Variants in VEGFA observed in about 807,000 individuals in gnomAD.
VEGFA encodes the protein vascular endothelial growth factor A, also known as vascular endothelial growth factor A, long form.
Under a neutral mutation model 49.7 loss-of-function variants are expected in VEGFA, and 20 were observed. That is an observed-to-expected ratio of 0.40 (90% CI 0.28 to 0.58). VEGFA has a LOEUF of 0.58. VEGFA is among the 20% of genes least tolerant of loss of function. The pLI is 0.40. For synonymous variants in VEGFA, 219 were observed against 223.4 expected (o/e 0.98, Z 0.18); for missense variants, 505 against 553.5 (o/e 0.91, Z 0.88).
At chr6:43,772,618 C>T (rs1763992877) in intron 1 of VEGFA, among the ~76,000 whole-genome samples, 2 of 152,214 alleles carry the variant, frequency 1.3e-5, no homozygotes. Flanking sequence ...TGGTGAAAGG[C>T]AGCCCTGGAG....
chr6:43,774,415 T>C, intron 2 of VEGFA, 23 bp downstream of exon 2: 1 of 1,613,814 alleles, frequency 6.2e-7, no homozygotes, highest in Non-Finnish European at 8.5e-7. Flanking sequence ...GGCTGTTGGA[T>C]GGGGTTCCCT....
intron 5 of VEGFA, chr6:43,779,660 C>G (rs150778870): frequency 2.1e-6 from 1 of 465,312 alleles, no homozygotes; most frequent in East Asian, 6.7e-5. Flanking sequence ...TTGAAGCCCC[C>G]ACCAGGCCTC....
rs1766310198 is a variant in VEGFA at position 43,778,753 on chromosome 6, T to G, written c.933-136T>G. Reference sequence around the variant, plus strand: ...TTATAATGATTAAACAAGTTATATATGAAAAGATTAAAACAGTGTTGCTCC... The same window carrying G: ...TTATAATGATTAAACAAGTTATATAGGAAAAGATTAAAACAGTGTTGCTCC... On this transcript the variant is annotated intron_variant, in intron 4 of 7. Transcript: ENST00000672860. 8 of 1,086,948 alleles carry G rather than the reference T, an allele frequency of 7.4e-6. No homozygotes were observed. The South Asian group carries it at 1.1e-4, about 14-fold the overall frequency. 67.3% of individuals were successfully genotyped at this position (1,086,948 alleles called of 1,614,324 possible). A position where few individuals can be genotyped will look rare whatever the true frequency, so the allele number is the denominator to read the frequency against.
chr6:43,779,068 TG>T, intron 5 of VEGFA, 150 bp downstream of exon 5: 1 of 967,130 alleles, frequency 1.0e-6, no homozygotes, highest in Non-Finnish European at 1.7e-6. Context: ...AACAATGGGA[TG>T]GAGCCAACTC....
At position 43,784,890 on chromosome 6, in the gene VEGFA, C is replaced by G. The variant is rs549490546; in HGVS notation, c.*328C>G. 2 of 501,682 alleles carry G rather than the reference C, an allele frequency of 4.0e-6. No individual in the cohort carries two copies. The highest frequency in any genetic ancestry group is 6.7e-5 in the East Asian group (2 of 29,856). 31.1% of individuals were successfully genotyped at this position (501,682 alleles called of 1,614,324 possible). On this transcript the variant is annotated 3_prime_UTR_variant, in exon 8 of 8. Coordinates refer to ENST00000672860, the MANE Select transcript of VEGFA (RefSeq NM_003376.6). ...TTAGAGAGTTTTATTTCTGGGATTC[C>G]TGTAGACACACCCACCCACATACAT...
chr6:43,772,442 G>A (rs979329051), intron 1 of VEGFA, among the ~76,000 whole-genome samples: 3 of 152,176 alleles, frequency 2.0e-5, no homozygotes, highest in Non-Finnish European at 4.4e-5. Context: ...AGTGAGCTGT[G>A]CTTTAGCTCT....
chr6:43,781,112 C>A lies in VEGFA; in HGVS notation c.1034+309C>A, dbSNP rs145776536. The A allele has an allele frequency of 1.1e-3, 629 of 593,632 alleles. 6 individuals are homozygous for A. The highest frequency in any genetic ancestry group is 0.01 in the African/African-American group (550 of 53,822). 36.8% of individuals were successfully genotyped at this position (593,632 alleles called of 1,614,324 possible). ...CACCCACTGGGCACTGGTGGCGGGC[C>A]CATGTTGGCACAGGTGCCTGCTCAC... On this transcript the variant is annotated intron_variant, in intron 6 of 7. Transcript: ENST00000672860.
rs1769345493 is a variant in VEGFA at position 43,785,715 on chromosome 6, G to A, written c.*1153G>A. 5.2e-6 allele frequency: 1 copy of A among 193,282 alleles called. No individual in the cohort carries two copies. The highest frequency in any genetic ancestry group is 8.4e-5 in the East Asian group (1 of 11,882). 12.0% of individuals were successfully genotyped at this position (193,282 alleles called of 1,614,324 possible). A position where few individuals can be genotyped will look rare whatever the true frequency, so the allele number is the denominator to read the frequency against. On this transcript the variant is annotated 3_prime_UTR_variant, in exon 8 of 8. Coordinates refer to ENST00000672860, the MANE Select transcript of VEGFA (RefSeq NM_003376.6). ...CCCCTGGTCCTTCCCTTCCCTTCCC[G>A]AGGCACAGAGAGACAGGGCAGGATC...
rs1582462968 is a variant in VEGFA, at chr6:43,771,237, C to T, written c.531C>T (p.Ala177=). 1 of 1,606,732 alleles carries T rather than the reference C, an allele frequency of 6.2e-7. No individual in the cohort carries two copies. Among genetic ancestry groups the T allele is most frequent in the Non-Finnish European group, 8.5e-7 (1 of 1,177,476 alleles). The stretch of plus-strand genomic sequence containing the variant: ...CGAGCCGCGCCGGCCCCGGTCGGGC[C>T]TCCGAAACCATGAACTTTCTGCTGT... The change falls in exon 1 of 8, where the codon GCC becomes GCT. Residue 177 remains alanine (A), a synonymous_variant. Coordinates refer to ENST00000672860, the MANE Select transcript of VEGFA (RefSeq NM_003376.6).
Position 43,780,701 on chromosome 6 carries a change from C to G in VEGFA, c.963-31C>G, listed in dbSNP as rs755695981. On this transcript the variant is annotated intron_variant, in intron 5 of 7. Coordinates refer to ENST00000672860, the MANE Select transcript of VEGFA (RefSeq NM_003376.6). ...TTTTACTCCCCCCACCGCCCCCGCT[C>G]TCTCTCTGTCTCTGTTTTTTTATTT... 2.5e-6 allele frequency: 4 copies of G among 1,610,682 alleles called. No homozygotes were observed. The South Asian group carries it at 4.4e-5, about 18-fold the overall frequency.
At chr6:43,779,215 G>A (rs904872854) in intron 5 of VEGFA, 16 of 543,470 alleles carry the variant, frequency 2.9e-5, no homozygotes, top group Middle Eastern at 4.9e-4. Flanking sequence ...GGGGCACTGT[G>A]GACACTGGCT....
intron 2 of VEGFA, chr6:43,776,985 C>A: frequency 3.1e-6 from 1 of 319,272 alleles, no homozygotes. Flanking sequence ...GTACACAGTA[C>A]TCAGGATGTA....
Position 43,786,215 on chromosome 6 carries a change from A to G in VEGFA, c.*1653A>G, listed in dbSNP as rs1456063452. 3 of 177,626 alleles carry G rather than the reference A, an allele frequency of 1.7e-5. No homozygotes were observed. The highest frequency in any genetic ancestry group is 7.1e-5 in the African/African-American group (3 of 42,258). 11.0% of individuals were successfully genotyped at this position (177,626 alleles called of 1,614,324 possible). A position where few individuals can be genotyped will look rare whatever the true frequency, so the allele number is the denominator to read the frequency against. On this transcript the variant is annotated 3_prime_UTR_variant, in exon 8 of 8. Transcript: ENST00000672860. ...TAGACATTGCTATTCTGTTTTTTATATGTAAAAACAAAACAAGAAAAAATA... is the reference window on the plus strand; with the variant it reads ...TAGACATTGCTATTCTGTTTTTTATGTGTAAAAACAAAACAAGAAAAAATA...
At chr6:43,778,044 T>G (rs1437836703) in intron 3 of VEGFA, 4 of 431,844 alleles carry the variant, frequency 9.3e-6, no homozygotes, top group Non-Finnish European at 1.3e-5. Flanking sequence ...CTTTTGGTGT[T>G]ACCTGGTAAT....
Position 43,785,578 on chromosome 6 carries a change from C to T in VEGFA, c.*1016C>T, listed in dbSNP as rs983187952. ...CTCGCCCTCATCCTCTTCCTGCTCC[C>T]CTTCCTGGGGTGCAGCCTAAAAGGA... On this transcript the variant is annotated 3_prime_UTR_variant, in exon 8 of 8. Coordinates refer to ENST00000672860, the MANE Select transcript of VEGFA (RefSeq NM_003376.6). The T allele has an allele frequency of 3.8e-5, 8 of 208,430 alleles. No individual in the cohort carries two copies. Among genetic ancestry groups the T allele is most frequent in the Non-Finnish European group, 6.8e-5 (7 of 102,286 alleles). The allele number at this position is 208,430 out of a possible 1,614,324, so 12.9% of individuals were successfully genotyped here. A position where few individuals can be genotyped will look rare whatever the true frequency, so the allele number is the denominator to read the frequency against.
At position 43,786,003 on chromosome 6, in the gene VEGFA, A is replaced by G. The variant is rs373941416; in HGVS notation, c.*1441A>G. 1 of 181,738 alleles carries G rather than the reference A, an allele frequency of 5.5e-6. No individual in the cohort carries two copies. Among genetic ancestry groups the G allele is most frequent in the Non-Finnish European group, 1.2e-5 (1 of 85,404 alleles). 11.3% of individuals were successfully genotyped at this position (181,738 alleles called of 1,614,324 possible). ...CCTGATCGGTGACAGTCACTAGCTT[A>G]TCTTGAACAGATATTTAATTTTGCT... On this transcript the variant is annotated 3_prime_UTR_variant, in exon 8 of 8. Transcript: ENST00000672860.
chr6:43,774,199 G>T (rs1764544535), intron 1 of VEGFA, 142 bp from the exon 2 acceptor site: 4 of 836,526 alleles, frequency 4.8e-6, no homozygotes, highest in Non-Finnish European at 6.0e-6. Context: ...ACCCCCGGTT[G>T]TGTCCTGTTC....
chr6:43,777,315 C>A lies in VEGFA; in HGVS notation c.659-154C>A. The A allele has an allele frequency of 1.2e-6, 1 of 802,146 alleles. No homozygotes were observed. The highest frequency in any genetic ancestry group is 1.7e-5 in the African/African-American group (1 of 59,050). 49.7% of individuals were successfully genotyped at this position (802,146 alleles called of 1,614,324 possible). On this transcript the variant is annotated intron_variant, in intron 2 of 7. Transcript: ENST00000672860. This position sits in a 1 kb window ranked among gnomAD's most constrained non-coding sequence, Gnocchi z 4.3. ...TGATGGTGGAAAGCTTAGGGAAGTGCTTCAAACACAGTAGGAGGGACTTAC... is the reference window on the plus strand; with the variant it reads ...TGATGGTGGAAAGCTTAGGGAAGTGATTCAAACACAGTAGGAGGGACTTAC...
At chr6:43,778,409 G>A in intron 3 of VEGFA, 51 bp from the exon 4 acceptor site, 2 of 1,546,180 alleles carry the variant, frequency 1.3e-6, no homozygotes, top group Non-Finnish European at 1.8e-6. Flanking sequence ...TCCCATCTGG[G>A]TATGGCTGGC....
Sources: gnomAD v4.1 joint callset for allele counts (sites outside exome capture counted in the v4.1 genomes callset) on GRCh38, gnomAD v4.1.1 for gene constraint, Gnocchi (gnomAD v3.1) non-coding constraint, MANE v1.5 for transcripts, NCBI Gene and HGNC (gene_info 2026-07-23, HGNC 2026-07-21) for gene names.